The following ZNF331 variants were observed in gnomAD, a reference collection of about 807,000 sequenced individuals.
The protein encoded by ZNF331 is C2H2-like zinc finger protein rearranged in thyroid adenomas.
Under a neutral mutation model 7.0 loss-of-function variants are expected in ZNF331, and 2 were observed. That is an observed-to-expected ratio of 0.29 (90% CI 0.12 to 0.90). ZNF331 has a LOEUF of 0.90. Ranked by LOEUF, ZNF331 falls within the 40% of genes least tolerant of loss-of-function variation. The pLI, the probability that ZNF331 is intolerant of heterozygous loss-of-function variation, is 0.58. For missense variants in ZNF331, 432 were observed against 587.7 expected (o/e 0.74, Z 2.74); for synonymous variants, 196 against 205.4 (o/e 0.95, Z 0.39).
the ZNF331 span, among the ~76,000 whole-genome samples, chr19:53,513,585 T>TA: frequency 6.6e-6 from 1 of 152,306 alleles, no homozygotes; most frequent in South Asian, 2.1e-4. Flanking sequence ...TGTGAAGTGA[T>TA]ACCTCACTGT....
chr19:53,518,749 A>G (rs12608663), upstream of ZNF331, among the ~76,000 whole-genome samples: 51,431 of 152,158 alleles, frequency 0.34, 8,895 homozygotes, highest in Middle Eastern at 0.42. Flanking sequence ...AGTCAGTCCA[A>G]GGAGAGTAAC....
Position 53,571,954 on chromosome 19 carries a change from A to G in ZNF331, c.136+224A>G, listed in dbSNP as rs2090465089. On this transcript the variant is annotated intron_variant, in intron 5 of 5. Coordinates refer to ENST00000449416, the MANE Select transcript of ZNF331 (RefSeq NM_001079906.2). The surrounding 1 kb of genome is among the most constrained non-coding windows in gnomAD (Gnocchi z 4.7). ...TCCCCCGTAATCATCTCACTTCCTT[A>G]ATGTCCGTGGAATGAGTGGGAATTC... Among the ~76,000 whole-genome samples the G allele has an allele frequency of 6.6e-6, 1 of 152,056 alleles. No individual in the cohort carries two copies. The highest frequency in any genetic ancestry group is 1.5e-5 in the Non-Finnish European group (1 of 68,022).
rs375321733 is a variant in ZNF331 at position 53,569,356 on chromosome 19, C to A, written c.-21C>A. On this transcript the variant is annotated 5_prime_UTR_variant, in exon 4 of 6. Transcript: ENST00000449416. ...CAGTGGAAACCCCGAGAAGACTGAT[C>A]AGTTCTTCAGTTCTAAAACAATGGC... is the stretch of plus-strand genomic sequence containing the variant. 4 of 1,613,576 alleles carry A rather than the reference C, an allele frequency of 2.5e-6. No homozygotes were observed. In the South Asian group the frequency reaches 3.3e-5, roughly 13 times the overall value.
At chr19:53,505,899 C>T in the ZNF331 span, among the ~76,000 whole-genome samples, 1 of 150,338 alleles carries the variant, frequency 6.7e-6, no homozygotes, top group African/African-American at 2.4e-5. Flanking sequence ...GCAGGAGAAT[C>T]ACTTAAACAT....
At chr19:53,542,905 G>T (rs183059658) in intron 2 of ZNF331, among the ~76,000 whole-genome samples, 1 of 152,134 alleles carries the variant, frequency 6.6e-6, no homozygotes, top group East Asian at 1.9e-4. Context: ...TGCCTCCCGG[G>T]TTCAAGCGAT....
chr19:53,548,879 ACT>A (rs1439331277), intron 2 of ZNF331, among the ~76,000 whole-genome samples: 8 of 146,842 alleles, frequency 5.4e-5, no homozygotes, highest in Non-Finnish European at 1.0e-4. Flanking sequence ...ACCAAGTCTC[ACT>A]CTGTCACCCA....
In ZNF331 at chr19:53,578,019, G is replaced by T; in HGVS notation, c.*67G>T. 6.8e-7 allele frequency: 1 copy of T among 1,481,456 alleles called. No individual in the cohort carries two copies. Among genetic ancestry groups the T allele is most frequent in the Non-Finnish European group, 9.0e-7 (1 of 1,107,714 alleles). The allele number at this position is 1,481,456 out of a possible 1,614,324, so 91.8% of individuals were successfully genotyped here. A position where few individuals can be genotyped will look rare whatever the true frequency, so the allele number is the denominator to read the frequency against. ...CGCTTTCCACAGTTTGTTACCTGCA[G>T]TCAACTGCAGTTCAAAAATATTAAA... On this transcript the variant is annotated 3_prime_UTR_variant, in exon 6 of 6. Coordinates refer to ENST00000449416, the MANE Select transcript of ZNF331 (RefSeq NM_001079906.2).
chr19:53,506,428 C>G, the ZNF331 span, among the ~76,000 whole-genome samples: 4 of 96,902 alleles, frequency 4.1e-5, no homozygotes, highest in African/African-American at 1.4e-4. Context: ...CTCTCTCTCT[C>G]TCTCTCTCTC....
Position 53,560,334 on chromosome 19 carries a change from A to G in ZNF331, c.-74+4426A>G, listed in dbSNP as rs971270633. Among the ~76,000 whole-genome samples, 6 of 152,048 alleles carry G rather than the reference A, an allele frequency of 3.9e-5. No individual in the cohort carries two copies. The highest frequency in any genetic ancestry group is 1.3e-4 in the Admixed American group (2 of 15,246). On this transcript the variant is annotated intron_variant, in intron 3 of 5. Coordinates refer to ENST00000449416, the MANE Select transcript of ZNF331 (RefSeq NM_001079906.2). The surrounding 1 kb of genome is among the most constrained non-coding windows in gnomAD (Gnocchi z 4.3). ...ACCATATACACACACATACACATAT[A>G]TAAACACCATATATATACAGACACA...
intron 2 of ZNF331, among the ~76,000 whole-genome samples, chr19:53,543,246 G>A (rs930148243): frequency 1.3e-5 from 2 of 152,124 alleles, no homozygotes; most frequent in African/African-American, 4.8e-5. Flanking sequence ...GCAACATGGT[G>A]AGACCCTGTC....
chr19:53,526,559 T>C (rs1005301324), intron 2 of ZNF331, among the ~76,000 whole-genome samples: 2 of 150,934 alleles, frequency 1.3e-5, no homozygotes, highest in South Asian at 2.1e-4. Context: ...AATTTTTTTT[T>C]TCTTTTTTTT....
intron 2 of ZNF331, among the ~76,000 whole-genome samples, chr19:53,523,987 C>T (rs1225344486): frequency 6.6e-6 from 1 of 152,134 alleles, no homozygotes; most frequent in Non-Finnish European, 1.5e-5. Context: ...TTGTTCAGTT[C>T]CCACCTATGA....
Position 53,573,241 on chromosome 19 carries a change from G to A in ZNF331, c.136+1511G>A, listed in dbSNP as rs1245715307. 6.6e-6 allele frequency among the ~76,000 whole-genome samples: 1 copy of A among 151,744 alleles called. No individual in the cohort carries two copies. Among genetic ancestry groups the A allele is most frequent in the Non-Finnish European group, 1.5e-5 (1 of 67,930 alleles). On this transcript the variant is annotated intron_variant, in intron 5 of 5. Transcript: ENST00000449416. The surrounding 1 kb of genome is among the most constrained non-coding windows in gnomAD (Gnocchi z 4.2). Reference sequence around the variant, plus strand: ...CTCAAAAATAATAAAAAATAAGGCCGGGTGCGGTGGCTCACTCCTGTGATC... The same window carrying A: ...CTCAAAAATAATAAAAAATAAGGCCAGGTGCGGTGGCTCACTCCTGTGATC...
chr19:53,574,058 G>GT (rs1234288667), intron 5 of ZNF331, among the ~76,000 whole-genome samples: 1 of 152,186 alleles, frequency 6.6e-6, no homozygotes, highest in Non-Finnish European at 1.5e-5. Flanking sequence ...AGAGGCTGCA[G>GT]TGAGTCAAGA....
At position 53,577,747 on chromosome 19, in the gene ZNF331, C is replaced by T; in HGVS notation, c.1187C>T (p.Ser396Leu). Residue 396 changes from serine (S) to leucine (L), a missense_variant, in exon 6 of 6, where the codon TCG (serine) becomes TTG (leucine). Physicochemically the swap from Ser to Leu is moderately radical, Grantham distance 145 (BLOSUM62 -2). Transcript: ENST00000449416. ...KECGKAFIYG[S>L]SLVKHERIHT... Reference sequence around the variant, plus strand: ...TGTGGGAAGGCTTTCATTTATGGATCGAGCCTCGTGAAACATGAGAGAATT... The same window carrying T: ...TGTGGGAAGGCTTTCATTTATGGATTGAGCCTCGTGAAACATGAGAGAATT... 1 of 1,613,860 alleles carries T rather than the reference C, an allele frequency of 6.2e-7. No individual in the cohort carries two copies. Among genetic ancestry groups the T allele is most frequent in the Non-Finnish European group, 8.5e-7 (1 of 1,179,814 alleles).
At chr19:53,556,635 T>TTTTTG (rs1213980560) in intron 3 of ZNF331, among the ~76,000 whole-genome samples, 4 of 151,674 alleles carry the variant, frequency 2.6e-5, no homozygotes, top group Admixed American at 6.6e-5. Context: ...TTTTTTATTG[T>TTTTTG]TTTTGTTTTG....
chr19:53,506,023 A>G, the ZNF331 span, among the ~76,000 whole-genome samples: 58 of 150,884 alleles, frequency 3.8e-4, no homozygotes, highest in Non-Finnish European at 6.0e-4. Context: ...AGCGCAGACC[A>G]TGGTCTGAAA....
At chr19:53,544,478 G>A (rs1049296995) in intron 2 of ZNF331, among the ~76,000 whole-genome samples, 16 of 149,118 alleles carry the variant, frequency 1.1e-4, no homozygotes, top group African/African-American at 4.0e-4. Flanking sequence ...CCAGGAGACA[G>A]AGCTTGCAGT....
exon 1 of ZNF331, chr19:53,521,586 C>G (rs1400306374): frequency 6.6e-6 from 1 of 152,460 alleles, no homozygotes; most frequent in African/African-American, 2.4e-5. Context: ...GTGACGCAGC[C>G]GGGCTGTGTC....
Sources: allele counts gnomAD v4.1 joint callset (sites outside exome capture counted in the v4.1 genomes callset), GRCh38; gene constraint gnomAD v4.1.1; non-coding constraint Gnocchi (gnomAD v3.1); transcripts MANE v1.5; gene names NCBI Gene and HGNC (gene_info 2026-07-23, HGNC 2026-07-21).